Variants in IFT74 observed in about 807,000 individuals in gnomAD.
IFT74 encodes the protein intraflagellar transport 74, also known as intraflagellar transport protein 74 homolog.
A neutral mutation model predicts 96.7 loss-of-function variants in IFT74; 92 were observed. That is an observed-to-expected ratio of 0.95 (90% confidence interval 0.80 to 1.13). The LOEUF (loss-of-function observed/expected upper bound fraction) is 1.13, where lower values mean the gene tolerates loss of function less well. IFT74 is among the 50% of genes most tolerant of loss of function. The probability of loss-of-function intolerance (pLI) is 0.00; values close to 1 mark genes in which losing one functional copy is unlikely to be tolerated. For synonymous variants in IFT74, 223 were observed against 213.2 expected (o/e 1.05, Z -0.40); for missense variants, 811 against 698.2 (o/e 1.16, Z -1.82).
chr9:27,041,393 A>AACT (rs1819471496), intron 13 of IFT74, among the ~76,000 whole-genome samples: 1 of 152,064 alleles, frequency 6.6e-6, no homozygotes, highest in Admixed American at 6.6e-5. Context: ...AATAGGGTGG[A>AACT]AACTGTCTTA....
intron 8 of IFT74, chr9:26,995,609 A>C (rs1828107221): frequency 3.7e-6 from 6 of 1,610,722 alleles, no homozygotes; most frequent in Non-Finnish European, 4.2e-6. Flanking sequence ...TAATTGTTCA[A>C]ATATTACTGT....
chr9:27,030,987 T>A (rs768142262), intron 13 of IFT74, among the ~76,000 whole-genome samples: 3 of 152,184 alleles, frequency 2.0e-5, no homozygotes, highest in Non-Finnish European at 4.4e-5. Context: ...GCCAAGTGAC[T>A]TTTTTGTTTT....
intron 8 of IFT74, among the ~76,000 whole-genome samples, chr9:26,992,920 A>T (rs1457384211): frequency 6.6e-6 from 1 of 152,140 alleles, no homozygotes; most frequent in Non-Finnish European, 1.5e-5. Context: ...GTGTGGTCTG[A>T]CCATCTGGTT....
At chr9:26,987,268 T>A (rs1827681372) in intron 6 of IFT74, among the ~76,000 whole-genome samples, 1 of 151,910 alleles carries the variant, frequency 6.6e-6, no homozygotes, top group African/African-American at 2.4e-5. Context: ...ATATTTGTAT[T>A]TTTAGTAGAG....
chr9:27,057,414 C>T (rs772487172), intron 18 of IFT74, among the ~76,000 whole-genome samples: 1 of 152,104 alleles, frequency 6.6e-6, no homozygotes, highest in African/African-American at 2.4e-5. Flanking sequence ...AGTAGGTACT[C>T]AGCAATTATT....
intron 8 of IFT74, 76 bp from the exon 9 acceptor site, chr9:27,008,944 A>G: frequency 2.6e-6 from 3 of 1,158,684 alleles, no homozygotes; most frequent in South Asian, 1.6e-5. Flanking sequence ...TTAAATTAGG[A>G]CCATGACTTG....
At chr9:26,983,452 G>A (rs1294213186) in intron 4 of IFT74, among the ~76,000 whole-genome samples, 5 of 152,154 alleles carry the variant, frequency 3.3e-5, no homozygotes, top group Non-Finnish European at 5.9e-5. Context: ...ACATGTTTCT[G>A]GTTGTCACAA....
chr9:27,065,698 G>A lies in IFT74; in HGVS notation c.*2962G>A, dbSNP rs963078215. ...AGGCCAGTTAGTAGTAGTTCCAGGG[G>A]TTTTTGCTGTTCCCTTGCTCAGTTT... On this transcript the variant is annotated 3_prime_UTR_variant, in exon 20 of 20. Coordinates refer to ENST00000380062, the MANE Select transcript of IFT74 (RefSeq NM_025103.4). 6.6e-6 allele frequency among the ~76,000 whole-genome samples: 1 copy of A among 152,122 alleles called. No individual in the cohort carries two copies. The highest frequency in any genetic ancestry group is 6.5e-5 in the Admixed American group (1 of 15,270).
chr9:27,032,117 A>G (rs879725331), intron 13 of IFT74, among the ~76,000 whole-genome samples: 1 of 152,240 alleles, frequency 6.6e-6, no homozygotes, highest in Non-Finnish European at 1.5e-5. Flanking sequence ...AAAAAAAGTG[A>G]TCAGTTTTCT....
At chr9:27,047,633 A>G (rs1474118033) in intron 15 of IFT74, among the ~76,000 whole-genome samples, 1 of 152,208 alleles carries the variant, frequency 6.6e-6, no homozygotes, top group Non-Finnish European at 1.5e-5. Flanking sequence ...AATTCAGAGT[A>G]ATTATTATGA....
At chr9:27,019,039 A>G (rs569510532) in intron 12 of IFT74, among the ~76,000 whole-genome samples, 2 of 152,204 alleles carry the variant, frequency 1.3e-5, no homozygotes, top group African/African-American at 2.4e-5. Flanking sequence ...GTGGCATGAT[A>G]TAGCTCACTG....
At chr9:27,039,981 A>G (rs894949873) in intron 13 of IFT74, among the ~76,000 whole-genome samples, 2 of 152,216 alleles carry the variant, frequency 1.3e-5, no homozygotes, top group African/African-American at 4.8e-5. Flanking sequence ...AAATTGAAAT[A>G]GGAGTCAGGG....
chr9:27,054,351 T>G (rs1420730031), intron 16 of IFT74, among the ~76,000 whole-genome samples: 2 of 152,178 alleles, frequency 1.3e-5, no homozygotes, highest in African/African-American at 4.8e-5. Flanking sequence ...GGCATATCTT[T>G]AGAGAGCTCT....
At chr9:27,014,622 T>G (rs954493641) in intron 10 of IFT74, among the ~76,000 whole-genome samples, 36 of 152,172 alleles carry the variant, frequency 2.4e-4, no homozygotes, top group Admixed American at 2.4e-3. Context: ...AAAAAAAAAT[T>G]TTTTTGAGAC....
In IFT74 at chr9:27,057,971, T is replaced by C. The variant is rs141171817; in HGVS notation, c.1623+1512T>C. Among the ~76,000 whole-genome samples the C allele has an allele frequency of 3.6e-3, 541 of 152,344 alleles. 1 individual carries two copies. The highest frequency in any genetic ancestry group is 0.012 in the African/African-American group (519 of 41,582). On this transcript the variant is annotated intron_variant, in intron 18 of 19. Coordinates refer to ENST00000380062, the MANE Select transcript of IFT74 (RefSeq NM_025103.4). ...CATAGGTACAACCGTTGTTAACATT[T>C]TGGTGCCATATCCTTGTAGTATTTT...
intron 8 of IFT74, chr9:26,995,806 A>G: frequency 6.2e-7 from 1 of 1,609,702 alleles, no homozygotes; most frequent in Admixed American, 1.7e-5. Flanking sequence ...CAGTGACAAC[A>G]ACACCAACAA....
chr9:27,045,141 G>C (rs1819646760), intron 14 of IFT74, among the ~76,000 whole-genome samples: 1 of 152,178 alleles, frequency 6.6e-6, no homozygotes, highest in African/African-American at 2.4e-5. Flanking sequence ...ACTGGCAAGC[G>C]AGCATTACCG....
intron 16 of IFT74, among the ~76,000 whole-genome samples, chr9:27,053,088 C>G (rs954643771): frequency 3.3e-5 from 5 of 149,890 alleles, no homozygotes; most frequent in African/African-American, 9.8e-5. Context: ...TGGCCTCGAT[C>G]TCCTGACCTC....
At position 27,017,002 on chromosome 9, in the gene IFT74, C is replaced by G. The variant is rs752980159; in HGVS notation, c.885C>G (p.Asp295Glu). The G allele has an allele frequency of 6.2e-7, 1 of 1,608,236 alleles. No homozygotes were observed. The highest frequency in any genetic ancestry group is 1.7e-5 in the Admixed American group (1 of 59,154). ...ATCGAGATCAAATGATTGCAGAAGA[C>G]AAAAGCATAGGATCTCCAATGGAAG... ...ESHRDQMIAE[D>E]KSIGSPMEER... The change falls in exon 11 of 20, where the codon GAC becomes GAG. Residue 295 changes from aspartate (D) to glutamate (E), a missense_variant. By Grantham distance (45) the Asp-to-Glu change is conservative. Transcript: ENST00000380062.
Sources: gnomAD v4.1 joint callset for allele counts (sites outside exome capture counted in the v4.1 genomes callset) on GRCh38, gnomAD v4.1.1 for gene constraint, MANE v1.5 for transcripts, NCBI Gene and HGNC (gene_info 2026-07-23, HGNC 2026-07-21) for gene names.